Variants in PHB2 observed in about 807,000 individuals in gnomAD.
PHB2 encodes prohibitin-2.
In PHB2, 22 loss-of-function variants were observed where a neutral mutation model predicts 46.4. The observed-to-expected ratio is 0.47, with a 90% CI of 0.34 to 0.68. The LOEUF (loss-of-function observed/expected upper bound fraction) is 0.68, where lower values mean the gene tolerates loss of function less well. Among genes scored for constraint, PHB2 ranks in the 30% least tolerant of loss-of-function variants. PHB2 has a pLI of 0.01. For synonymous variants in PHB2, 156 were observed against 150.5 expected, an observed-to-expected ratio of 1.04 and a Z score of -0.27; for missense variants, 305 against 382.8, an observed-to-expected ratio of 0.80 and a Z score of 1.70.
intron 4 of PHB2, 99 bp from the exon 5 acceptor site, chr12:6,968,120 C>G (rs1353257372): frequency 9.3e-7 from 1 of 1,073,004 alleles, no homozygotes; most frequent in Non-Finnish European, 1.3e-6. Context: ...CTCAATACAA[C>G]ATGCACTGCC....
In PHB2 at chr12:6,967,537, T is replaced by C. The variant is rs1555151042; in HGVS notation, c.711+139A>G. On this transcript the variant is annotated intron_variant, in intron 6 of 9. Coordinates refer to ENST00000535923, the MANE Select transcript of PHB2 (RefSeq NM_001144831.2). The surrounding 1 kb of genome is among the most constrained non-coding windows in gnomAD (Gnocchi z 4.9). ...CTAAGATTTCAGATCTCATCTGTAG[T>C]CCCCACCCCCAACAAGGAGCCAAGG... The C allele has an allele frequency of 1.1e-6, 1 of 912,208 alleles. No individual in the cohort carries two copies. The highest frequency in any genetic ancestry group is 2.4e-5 in the East Asian group (1 of 41,866). The allele number at this position is 912,208 out of a possible 1,614,324, so 56.5% of individuals were successfully genotyped here. A position where few individuals can be genotyped will look rare whatever the true frequency, so the allele number is the denominator to read the frequency against.
chr12:6,968,417 C>T lies in PHB2; in HGVS notation c.471G>A (p.Arg157=). The change falls in exon 4 of 10, where the codon CGG becomes CGA. Residue 157 remains arginine, a synonymous_variant. Coordinates refer to ENST00000535923, the MANE Select transcript of PHB2 (RefSeq NM_001144831.2). ...KFNASQLITQ[R]AQVSLLIRRE... is the part of the protein sequence containing the mutation. ...ATGGTGGTGGGAGTCAGACCTGGGCCCGCTGGGTGATCAGCTGTGAGGCAT... is the reference window on the plus strand; with the variant it reads ...ATGGTGGTGGGAGTCAGACCTGGGCTCGCTGGGTGATCAGCTGTGAGGCAT... The T allele has an allele frequency of 6.2e-7, 1 of 1,606,162 alleles. No homozygotes were observed. The highest frequency in any genetic ancestry group is 1.1e-5 in the South Asian group (1 of 89,978).
At chr12:6,968,995 AAAG>A (rs1357081521) in intron 3 of PHB2, among the ~76,000 whole-genome samples, 1 of 152,240 alleles carries the variant, frequency 6.6e-6, no homozygotes, top group African/African-American at 2.4e-5. Flanking sequence ...GGTATAGCAC[AAAG>A]AAGTACATTA....
At chr12:6,968,715 G>A (rs1555151376) in intron 3 of PHB2, 120 bp from the exon 4 acceptor site, 1 of 783,326 alleles carries the variant, frequency 1.3e-6, no homozygotes, top group Admixed American at 2.0e-5. Context: ...TACCCTGGGG[G>A]GAGGAGAGTT....
intron 7 of PHB2, among the ~76,000 whole-genome samples, chr12:6,966,732 G>A (rs782509762): frequency 2.6e-5 from 4 of 152,184 alleles, no homozygotes; most frequent in Admixed American, 6.5e-5. Flanking sequence ...GAGGAGTATC[G>A]GAGAAGCCAA....
chr12:6,965,751 G>A (rs781941877), intron 9 of PHB2, 39 bp from the exon 10 acceptor site: 2 of 1,588,918 alleles, frequency 1.3e-6, no homozygotes, highest in African/African-American at 1.3e-5. Flanking sequence ...ATTATTAGGG[G>A]ACATAAATGT....
rs1245993896 is a variant in PHB2, at chr12:6,968,551, T to C, written c.337A>G (p.Asn113Asp). The C allele has an allele frequency of 7.4e-6, 12 of 1,613,708 alleles. No homozygotes were observed. The African/African-American group carries it at 1.5e-4, about 20-fold the overall frequency. Residue 113 changes from asparagine (N) to aspartate (D), a missense_variant, in exon 4 of 10, where the codon AAT becomes GAT. Around this residue, in one of 3 missense-constraint regions of PHB2, gnomAD observed 241 missense variants for 302.7 expected, o/e 0.80. Transcript: ENST00000535923. Reference sequence around the variant, plus strand: ...TACATGCTAGGAAGCTCCTGAGCATTGGGTCGAGACAACACTCGCAGGGAG... The same window carrying C: ...TACATGCTAGGAAGCTCCTGAGCATCGGGTCGAGACAACACTCGCAGGGAG... ...NISLRVLSRP[N>D]AQELPSMYQR...
intron 8 of PHB2, 21 bp downstream of exon 8, chr12:6,966,403 C>G (rs782552976): frequency 8.1e-6 from 12 of 1,473,720 alleles, no homozygotes; most frequent in Admixed American, 1.7e-5. Context: ...TGATACCCCA[C>G]AGTGTGGCCA....
At chr12:6,970,357 A>T in intron 1 of PHB2, 60 bp downstream of exon 1, 1 of 1,603,482 alleles carries the variant, frequency 6.2e-7, no homozygotes, top group Middle Eastern at 1.7e-4. Context: ...GCGCGGGGAC[A>T]GGGCAAGGGG....
intron 7 of PHB2, 66 bp from the exon 8 acceptor site, chr12:6,966,566 T>C (rs1778486397): frequency 1.1e-5 from 11 of 964,752 alleles, no homozygotes; most frequent in Non-Finnish European, 1.9e-5. Flanking sequence ...CCCCTGCAAT[T>C]CAGCAGCTAC....
chr12:6,968,135 C>T, intron 4 of PHB2, 114 bp from the exon 5 acceptor site: 1 of 988,500 alleles, frequency 1.0e-6, no homozygotes. Context: ...ACTGCCTTAG[C>T]TTCCTGTCAG....
chr12:6,967,209 G>T lies in PHB2; in HGVS notation c.751C>A (p.Leu251Ile). The T allele has an allele frequency of 6.2e-7, 1 of 1,608,010 alleles. No individual in the cohort carries two copies. Among genetic ancestry groups the T allele is most frequent in the Non-Finnish European group, 8.5e-7 (1 of 1,177,072 alleles). ...TTCTGGGCTGCTCGAATCTTGCGAA[G>T]TTTGATGTAGCCAGGGTTCTTGCTC... Reference protein sequence around the residue: ...ALSKNPGYIKLRKIRAAQNIS... With the variant: ...ALSKNPGYIKIRKIRAAQNIS... Residue 251 changes from leucine (L) to isoleucine (I), a missense_variant, in exon 7 of 10, where the codon CTT becomes ATT. Physicochemically the swap from Leu to Ile is conservative, Grantham distance 5 (BLOSUM62 2). This residue lies in a region of PHB2 where 241 missense variants were observed against 302.7 expected (regional missense o/e 0.80). Transcript: ENST00000535923. The surrounding 1 kb of genome is among the most constrained non-coding windows in gnomAD (Gnocchi z 4.9).
intron 7 of PHB2, 105 bp from the exon 8 acceptor site, chr12:6,966,605 A>AG: frequency 1.3e-6 from 1 of 775,662 alleles, no homozygotes; most frequent in Admixed American, 1.8e-5. Context: ...AGATTAGGGC[A>AG]GGGGTGCAGC....
Position 6,968,545 on chromosome 12 carries a change from G to A in PHB2, c.343C>T (p.Gln115Ter). ...SLRVLSRPNA[Q>*]ELPSMYQRLG... ...CGCTGGTACATGCTAGGAAGCTCCT[G>A]AGCATTGGGTCGAGACAACACTCGC... The change falls in exon 4 of 10, where the codon CAG becomes TAG. Residue 115 changes from glutamine (Q) to a stop codon, truncating the protein, a stop_gained. Transcript: ENST00000535923. LOFTEE classifies it high-confidence loss of function. 6.2e-7 allele frequency: 1 copy of A among 1,613,664 alleles called. No homozygotes were observed. The highest frequency in any genetic ancestry group is 8.5e-7 in the Non-Finnish European group (1 of 1,179,680).
Position 6,965,637 on chromosome 12 carries a change from GAGA to G in PHB2, c.*45_*47del. On this transcript the variant is annotated 3_prime_UTR_variant, in exon 10 of 10. Coordinates refer to ENST00000535923, the MANE Select transcript of PHB2 (RefSeq NM_001144831.2). The stretch of plus-strand genomic sequence containing the variant: ...CCCCTGGCTGGCTCCTCAAAAACTG[GAGA>G]AGCAGATCCACTTCCTCTGGGGGTG... 1 of 1,566,522 alleles carries G rather than the reference GAGA, an allele frequency of 6.4e-7. No individual in the cohort carries two copies. Among genetic ancestry groups the G allele is most frequent in the Non-Finnish European group, 8.8e-7 (1 of 1,141,034 alleles).
At chr12:6,970,073 G>A in intron 2 of PHB2, 123 bp downstream of exon 2, 4 of 794,194 alleles carry the variant, frequency 5.0e-6, no homozygotes, top group Middle Eastern at 4.5e-4. Context: ...ACTATCCTAG[G>A]GGCAGGGATG....
chr12:6,969,372 T>C, intron 3 of PHB2, 126 bp downstream of exon 3: 4 of 540,418 alleles, frequency 7.4e-6, no homozygotes, highest in Non-Finnish European at 1.4e-5. Flanking sequence ...GCAGGTATTT[T>C]TGTTACAGCT....
At position 6,965,562 on chromosome 12, in the gene PHB2, G is replaced by A. The variant is rs1217433930; in HGVS notation, c.*123C>T. 5.3e-6 allele frequency: 4 copies of A among 758,976 alleles called. No homozygotes were observed. The highest frequency in any genetic ancestry group is 2.0e-5 in the Admixed American group (1 of 50,044). The allele number at this position is 758,976 out of a possible 1,614,324, so 47.0% of individuals were successfully genotyped here. A position where few individuals can be genotyped will look rare whatever the true frequency, so the allele number is the denominator to read the frequency against. ...TAATCCAAGAGGGGTTCAGGGAACC[G>A]GTGTGGGGGACCATCGCATGATACT... is the stretch of plus-strand genomic sequence containing the variant. On this transcript the variant is annotated 3_prime_UTR_variant, in exon 10 of 10. Transcript: ENST00000535923.
chr12:6,969,177 T>G (rs1555151478), intron 3 of PHB2, among the ~76,000 whole-genome samples: 1 of 151,932 alleles, frequency 6.6e-6, no homozygotes, highest in African/African-American at 2.4e-5. Flanking sequence ...AGTGTACTAG[T>G]GGATGTAACT....
Sources: gnomAD v4.1 joint callset for allele counts (sites outside exome capture counted in the v4.1 genomes callset) on GRCh38, gnomAD v4.1.1 for gene constraint, gnomAD v4.1.1 regional missense constraint, Gnocchi (gnomAD v3.1) non-coding constraint, MANE v1.5 for transcripts, NCBI Gene and HGNC (gene_info 2026-07-23, HGNC 2026-07-21) for gene names.